MYB: variants seen among roughly 807,000 people sequenced by gnomAD.
MYB encodes MYB proto-oncogene, transcription factor, also known as transcriptional activator Myb.
A neutral mutation model predicts 92.9 loss-of-function variants in MYB; 28 were observed. The ratio of observed to expected loss-of-function variants is 0.30; its 90% confidence interval spans 0.22 to 0.41. The LOEUF (loss-of-function observed/expected upper bound fraction) is 0.41. Among genes scored for constraint, MYB ranks in the 10% least tolerant of loss-of-function variants. MYB has a pLI of 1.00. For missense variants in MYB, 679 were observed against 929.3 expected, an observed-to-expected ratio of 0.73 and a Z score of 3.50; for synonymous variants, 295 against 329.1, an observed-to-expected ratio of 0.90 and a Z score of 1.12.
intron 1 of MYB, among the ~76,000 whole-genome samples, chr6:135,183,846 A>G (rs1297238794): frequency 6.6e-6 from 1 of 152,214 alleles, no homozygotes; most frequent in Non-Finnish European, 1.5e-5. Context: ...ATGGTCATGT[A>G]TTAGCGCTGG....
intron 15 of MYB, among the ~76,000 whole-genome samples, chr6:135,208,730 T>C (rs2128314607): frequency 6.6e-6 from 1 of 152,302 alleles, no homozygotes; most frequent in Middle Eastern, 3.4e-3. Context: ...TATTCTCATG[T>C]ACTTCCAGAT....
At chr6:135,215,894 T>C (rs1780368606) in intron 15 of MYB, among the ~76,000 whole-genome samples, 12 of 152,218 alleles carry the variant, frequency 7.9e-5, no homozygotes. Context: ...CTGTTTCACC[T>C]GTGTCCATTC....
At chr6:135,202,188 C>A (rs1425146305) in intron 14 of MYB, among the ~76,000 whole-genome samples, 1 of 152,106 alleles carries the variant, frequency 6.6e-6, no homozygotes, top group Non-Finnish European at 1.5e-5. Context: ...GTTACTACCA[C>A]CATTTTTAAA....
At chr6:135,198,874 A>G in intron 10 of MYB, 34 bp from the exon 11 acceptor site, 1 of 1,530,432 alleles carries the variant, frequency 6.5e-7, no homozygotes, top group Non-Finnish European at 9.0e-7. Flanking sequence ...ATTACCATCT[A>G]ATCTAAGTAT....
chr6:135,206,370 C>T lies in MYB; in HGVS notation c.2169+3046C>T, dbSNP rs115078706. On this transcript the variant is annotated intron_variant, in intron 15 of 15. Transcript: ENST00000341911. ...CTATGATTATACCCCTGCACTCTAG[C>T]CTGGGAGACAAGACCAAGACCTTGT... is the stretch of plus-strand genomic sequence containing the variant. Among the ~76,000 whole-genome samples the T allele has an allele frequency of 4.2e-3, 642 of 151,212 alleles. 4 individuals carry two copies. The highest frequency in any genetic ancestry group is 0.015 in the African/African-American group (623 of 41,166).
At chr6:135,212,224 C>CTTTTTTTTTTTTTTTTTTTTTTTTTTT (rs545704827) in intron 15 of MYB, among the ~76,000 whole-genome samples, 3 of 32,886 alleles carry the variant, frequency 9.1e-5, no homozygotes, top group Non-Finnish European at 1.6e-4. Flanking sequence ...TTTGGTTTTA[C>CTTTTTTTTTTTTTTTTTTTTTTTTTTT]TTTTTTTTTT....
chr6:135,196,684 C>A, intron 9 of MYB: 1 of 1,281,732 alleles, frequency 7.8e-7, no homozygotes, highest in Non-Finnish European at 1.1e-6. Flanking sequence ...CCGTAATATG[C>A]CATCTAGAAA....
At chr6:135,203,382 T>TTGGTGGTGGTGG in intron 15 of MYB, 58 bp downstream of exon 15, 2 of 1,117,634 alleles carry the variant, frequency 1.8e-6, no homozygotes, top group South Asian at 1.4e-5. Flanking sequence ...ACTGTCATCT[T>TTGGTGGTGGTGG]TGGTGGTGGT....
At position 135,194,461 on chromosome 6, in the gene MYB, G is replaced by GT; in HGVS notation, c.948+2dup. 1 of 1,605,256 alleles carries GT rather than the reference G, an allele frequency of 6.2e-7. No individual in the cohort carries two copies. Among genetic ancestry groups the GT allele is most frequent in the Non-Finnish European group, 8.5e-7 (1 of 1,172,430 alleles). On this transcript the variant is annotated splice_donor_variant, in intron 8 of 15. Coordinates refer to ENST00000341911, the MANE Select transcript of MYB (RefSeq NM_001130173.2). LOFTEE classifies it high-confidence loss of function. The stretch of plus-strand genomic sequence containing the variant: ...GCTAAAAGGACAGCAGGTGCTACCA[G>GT]TAAGACTGTCATCATGTGCTTGAAT...
At chr6:135,201,805 A>C in intron 14 of MYB, 56 bp downstream of exon 14, 1 of 1,069,178 alleles carries the variant, frequency 9.4e-7, no homozygotes, top group Non-Finnish European at 1.3e-6. Context: ...GCCTCATGAA[A>C]TCCTGTGTGT....
rs1776541487 is a variant in MYB at position 135,190,882 on chromosome 6, G to C, written c.527+535G>C. Among the ~76,000 whole-genome samples, 1 of 151,958 alleles carries C rather than the reference G, an allele frequency of 6.6e-6. No homozygotes were observed. Among genetic ancestry groups the C allele is most frequent in the Non-Finnish European group, 1.5e-5 (1 of 67,986 alleles). ...CATGATCATAGCTCAATACATCCTT[G>C]AACTCCTGGGCTCAAGGGATCCTCC... On this transcript the variant is annotated intron_variant, in intron 5 of 15. Transcript: ENST00000341911. The surrounding 1 kb of genome is among the most constrained non-coding windows in gnomAD (Gnocchi z 4.5).
chr6:135,203,462 T>A, intron 15 of MYB, 138 bp downstream of exon 15: 1 of 710,598 alleles, frequency 1.4e-6, no homozygotes, highest in East Asian at 2.7e-5. Context: ...AGGGGAGTAA[T>A]GCTTTTATAC....
intron 15 of MYB, among the ~76,000 whole-genome samples, chr6:135,208,175 T>C (rs1583396651): frequency 7.0e-6 from 1 of 142,236 alleles, no homozygotes; most frequent in Admixed American, 7.2e-5. Flanking sequence ...ACCTCTTGGG[T>C]TCAAGTGATT....
chr6:135,185,290 C>T (rs936738110), intron 1 of MYB, among the ~76,000 whole-genome samples: 9 of 152,170 alleles, frequency 5.9e-5, no homozygotes, highest in African/African-American at 2.2e-4. Context: ...AACATTAAAG[C>T]TTGATCACTC....
chr6:135,184,737 A>G (rs1203440356), intron 1 of MYB, among the ~76,000 whole-genome samples: 2 of 152,232 alleles, frequency 1.3e-5, no homozygotes, highest in African/African-American at 2.4e-5. Flanking sequence ...ACAATGATTT[A>G]CATTATGATA....
rs186588575 is a variant in MYB at position 135,218,371 on chromosome 6, G to A, written c.*391G>A. On this transcript the variant is annotated 3_prime_UTR_variant, in exon 16 of 16. Coordinates refer to ENST00000341911, the MANE Select transcript of MYB (RefSeq NM_001130173.2). ...GGTACTCCAGTATTTCACTTTTCTC[G>A]ATCACTAAACATATGCATATATTTT... 6.7e-3 allele frequency: 1,635 copies of A among 244,074 alleles called. 22 individuals are homozygous for A. Among genetic ancestry groups the A allele is most frequent in the South Asian group, 0.025 (296 of 12,074 alleles). 15.1% of individuals were successfully genotyped at this position (244,074 alleles called of 1,614,324 possible). A position where few individuals can be genotyped will look rare whatever the true frequency, so the allele number is the denominator to read the frequency against.
chr6:135,218,769 A>G lies in MYB; in HGVS notation c.*789A>G, dbSNP rs138229891. ...TCAGACTTTTTAATTTTATATATAT[A>G]TACATTTTTTTTCCTTCTGCAATAC... On this transcript the variant is annotated 3_prime_UTR_variant, in exon 16 of 16. Transcript: ENST00000341911. The G allele has an allele frequency of 4.9e-5, 10 of 203,758 alleles. No individual in the cohort carries two copies. The East Asian group carries it at 7.5e-4, about 15-fold the overall frequency. The allele number at this position is 203,758 out of a possible 1,614,324, so 12.6% of individuals were successfully genotyped here. A position where few individuals can be genotyped will look rare whatever the true frequency, so the allele number is the denominator to read the frequency against.
chr6:135,191,053 A>G (rs941241307), intron 5 of MYB, among the ~76,000 whole-genome samples: 6 of 152,166 alleles, frequency 3.9e-5, no homozygotes, highest in Non-Finnish European at 8.8e-5. Flanking sequence ...TTCACCTCCC[A>G]AAGTGCTGGG....
At chr6:135,203,873 CAA>C in intron 15 of MYB, 2 of 1,200,956 alleles carry the variant, frequency 1.7e-6, no homozygotes, top group Non-Finnish European at 2.1e-6. Flanking sequence ...GTTTTAATAT[CAA>C]AAGAGATTTC....
Sources: gnomAD v4.1 joint callset for allele counts (sites outside exome capture counted in the v4.1 genomes callset) on GRCh38, gnomAD v4.1.1 for gene constraint, Gnocchi (gnomAD v3.1) non-coding constraint, MANE v1.5 for transcripts, NCBI Gene and HGNC (gene_info 2026-07-23, HGNC 2026-07-21) for gene names.